BBS9: variants seen among roughly 807,000 people sequenced by gnomAD.
BBS9 encodes Bardet-Biedl syndrome 9.
BBS9 carries 89 observed loss-of-function variants against 117.7 expected under a neutral mutation model. That is an observed-to-expected ratio of 0.76 (90% confidence interval 0.64 to 0.90). The LOEUF is 0.90. BBS9 is among the 40% of genes least tolerant of loss of function. BBS9 has a pLI of 0.00. For missense variants in BBS9, 982 were observed against 1,042.2 expected, an observed-to-expected ratio of 0.94 and a Z score of 0.80; for synonymous variants, 379 against 370.9, an observed-to-expected ratio of 1.02 and a Z score of -0.25.
intron 21 of BBS9, among the ~76,000 whole-genome samples, chr7:33,582,157 C>T (rs1473708191): frequency 6.6e-6 from 1 of 152,062 alleles, no homozygotes; most frequent in Non-Finnish European, 1.5e-5. Flanking sequence ...CTTGAGTTAT[C>T]TCAGTCAGGG....
intron 5 of BBS9, among the ~76,000 whole-genome samples, chr7:33,232,038 C>A (rs577442359): frequency 6.6e-6 from 1 of 152,238 alleles, no homozygotes; most frequent in Non-Finnish European, 1.5e-5. Context: ...GACTGCATTG[C>A]AAGTATAACT....
chr7:33,131,239 C>T (rs998623207), intron 1 of BBS9, among the ~76,000 whole-genome samples: 2 of 152,178 alleles, frequency 1.3e-5, no homozygotes, highest in Non-Finnish European at 2.9e-5. Flanking sequence ...ACTGTTTCTA[C>T]TGTTGGGTTA....
chr7:33,599,796 A>G (rs756912518), intron 21 of BBS9, among the ~76,000 whole-genome samples: 4 of 152,208 alleles, frequency 2.6e-5, no homozygotes, highest in Non-Finnish European at 4.4e-5. Flanking sequence ...TATCACATAT[A>G]ACAGCAATAT....
intron 12 of BBS9, among the ~76,000 whole-genome samples, chr7:33,348,391 T>C (rs1313271324): frequency 6.6e-6 from 1 of 152,328 alleles, no homozygotes; most frequent in East Asian, 1.9e-4. Flanking sequence ...TTATCATTAA[T>C]GTTATTCATA....
At chr7:33,585,746 T>C (rs1860777446) in intron 21 of BBS9, among the ~76,000 whole-genome samples, 1 of 152,130 alleles carries the variant, frequency 6.6e-6, no homozygotes, top group Non-Finnish European at 1.5e-5. Context: ...ACCCATAGTC[T>C]GGATCTAGTT....
At chr7:33,426,964 G>A (rs960927146) in intron 19 of BBS9, among the ~76,000 whole-genome samples, 1 of 152,184 alleles carries the variant, frequency 6.6e-6, no homozygotes, top group Admixed American at 6.5e-5. Flanking sequence ...CAGAGGGTAG[G>A]TTGTTTACTA....
chr7:33,480,912 T>G (rs1035983382), intron 19 of BBS9, among the ~76,000 whole-genome samples: 5 of 152,094 alleles, frequency 3.3e-5, no homozygotes, highest in African/African-American at 1.2e-4. Context: ...TGTTTGGCAG[T>G]TCCCCACCCC....
chr7:33,442,558 T>A (rs577806629), intron 19 of BBS9, among the ~76,000 whole-genome samples: 2 of 152,218 alleles, frequency 1.3e-5, no homozygotes, highest in Non-Finnish European at 2.9e-5. Flanking sequence ...TTTAAAATAG[T>A]AAGCTAAAGT....
At chr7:33,605,081 C>G (rs142169701) in intron 22 of BBS9, 106 bp downstream of exon 22, 24,342 of 1,462,552 alleles carry the variant, frequency 0.017, 267 homozygotes, top group Middle Eastern at 0.021. Context: ...GCTTGTTTTC[C>G]AATTTCTTCA....
intron 19 of BBS9, among the ~76,000 whole-genome samples, chr7:33,413,514 A>AT (rs1831482803): frequency 6.6e-6 from 1 of 152,182 alleles, no homozygotes; most frequent in Non-Finnish European, 1.5e-5. Context: ...GTATTCCCTC[A>AT]CACTGTCTTC....
intron 5 of BBS9, among the ~76,000 whole-genome samples, chr7:33,209,865 A>C (rs901515186): frequency 6.6e-6 from 1 of 151,910 alleles, no homozygotes; most frequent in African/African-American, 2.4e-5. Flanking sequence ...GATCCTTTCT[A>C]CTGTTTTGTT....
intron 5 of BBS9, among the ~76,000 whole-genome samples, chr7:33,208,886 A>G (rs1309505381): frequency 6.6e-6 from 1 of 152,176 alleles, no homozygotes; most frequent in Non-Finnish European, 1.5e-5. Flanking sequence ...TATGCATACA[A>G]TGCATAATCA....
intron 1 of BBS9, among the ~76,000 whole-genome samples, chr7:33,137,999 T>C (rs1179033452): frequency 1.3e-5 from 2 of 152,156 alleles, no homozygotes; most frequent in Non-Finnish European, 2.9e-5. Flanking sequence ...GGACATAGGT[T>C]TAAAAATTAG....
At chr7:33,545,960 G>A (rs1329251251) in intron 21 of BBS9, among the ~76,000 whole-genome samples, 9 of 106,648 alleles carry the variant, frequency 8.4e-5, no homozygotes, top group East Asian at 3.2e-4. Flanking sequence ...TTGAGATGGA[G>A]TCTTGCTCTG....
At chr7:33,336,692 T>C in intron 10 of BBS9, 70 bp downstream of exon 10, 1 of 1,096,610 alleles carries the variant, frequency 9.1e-7, no homozygotes, top group Non-Finnish European at 1.3e-6. Context: ...TAGATAGATA[T>C]TATTTTGTGT....
rs1585460081 is a variant in BBS9, at chr7:33,605,327, C to T, written c.*101C>T. The T allele has an allele frequency of 5.5e-6, 7 of 1,276,666 alleles. No homozygotes were observed. In the East Asian group the frequency reaches 1.2e-4, roughly 21 times the overall value. The allele number at this position is 1,276,666 out of a possible 1,614,324, so 79.1% of individuals were successfully genotyped here. ...AGATATAGGGCTGGCGCAGGTGCTTCCTAAAGCTCACCTTCCTGGAGATGA... is the reference window on the plus strand; with the variant it reads ...AGATATAGGGCTGGCGCAGGTGCTTTCTAAAGCTCACCTTCCTGGAGATGA... On this transcript the variant is annotated 3_prime_UTR_variant, in exon 23 of 23. Transcript: ENST00000242067.
At chr7:33,475,508 G>T (rs547022520) in intron 19 of BBS9, among the ~76,000 whole-genome samples, 2 of 151,982 alleles carry the variant, frequency 1.3e-5, no homozygotes, top group Non-Finnish European at 2.9e-5. Flanking sequence ...TTTCTCTATT[G>T]TGGGGCTATC....
At chr7:33,272,448 T>C (rs990009228) in intron 7 of BBS9, among the ~76,000 whole-genome samples, 1 of 152,178 alleles carries the variant, frequency 6.6e-6, no homozygotes, top group Non-Finnish European at 1.5e-5. Flanking sequence ...CTTAGAAATA[T>C]TGTATGGAAG....
chr7:33,444,008 C>A (rs1409755900), intron 19 of BBS9, among the ~76,000 whole-genome samples: 1 of 152,196 alleles, frequency 6.6e-6, no homozygotes, highest in African/African-American at 2.4e-5. Flanking sequence ...ATTACCTCCT[C>A]AGGTTTGAAG....
Sources: allele counts gnomAD v4.1 joint callset (sites outside exome capture counted in the v4.1 genomes callset), GRCh38; gene constraint gnomAD v4.1.1; transcripts MANE v1.5; gene names NCBI Gene and HGNC (gene_info 2026-07-23, HGNC 2026-07-21).